SPIDR: variants seen among roughly 807,000 people sequenced by gnomAD.
The protein encoded by SPIDR is DNA repair-scaffolding protein.
A neutral mutation model predicts 104.6 loss-of-function variants in SPIDR; 93 were observed. The observed-to-expected ratio is 0.89, with a 90% CI of 0.75 to 1.06. The LOEUF (loss-of-function observed/expected upper bound fraction) is 1.06. Ranked by LOEUF, SPIDR falls within the 50% of genes least tolerant of loss-of-function variation. The probability of loss-of-function intolerance (pLI) is 0.00; values close to 1 mark genes in which losing one functional copy is unlikely to be tolerated. For synonymous variants in SPIDR, 431 were observed against 416.9 expected (o/e 1.03, Z -0.41); for missense variants, 1,154 against 1,111.2 (o/e 1.04, Z -0.55).
intron 10 of SPIDR, among the ~76,000 whole-genome samples, chr8:47,663,575 A>G (rs2074440022): frequency 6.6e-6 from 1 of 152,234 alleles, no homozygotes; most frequent in African/African-American, 2.4e-5. Context: ...ATGGCTCTGC[A>G]GCCCTTCATG....
chr8:47,284,890 A>G (rs2038516968), intron 3 of SPIDR, among the ~76,000 whole-genome samples: 1 of 152,236 alleles, frequency 6.6e-6, no homozygotes, highest in Non-Finnish European at 1.5e-5. Context: ...GTAATGAAGA[A>G]GGGGTGGATA....
chr8:47,683,714 G>A (rs2077379009), intron 11 of SPIDR, among the ~76,000 whole-genome samples: 1 of 152,166 alleles, frequency 6.6e-6, no homozygotes, highest in Admixed American at 6.5e-5. Flanking sequence ...AAAAGGTTTT[G>A]AATTTCAGAT....
At chr8:47,549,433 T>A (rs1179334643) in intron 8 of SPIDR, among the ~76,000 whole-genome samples, 1 of 152,224 alleles carries the variant, frequency 6.6e-6, no homozygotes, top group Non-Finnish European at 1.5e-5. Context: ...CAGCACCTGT[T>A]GTTTCCTGAC....
intron 10 of SPIDR, among the ~76,000 whole-genome samples, chr8:47,608,865 A>G (rs2063290948): frequency 6.6e-6 from 1 of 152,174 alleles, no homozygotes; most frequent in African/African-American, 2.4e-5. Flanking sequence ...CTGGGACTAC[A>G]CGTGCGTGTG....
At chr8:47,673,066 T>A (rs1444401005) in intron 10 of SPIDR, among the ~76,000 whole-genome samples, 3 of 152,268 alleles carry the variant, frequency 2.0e-5, no homozygotes, top group African/African-American at 4.8e-5. Context: ...TTACTGACTA[T>A]AATTTCTTCA....
At chr8:47,727,095 C>T in intron 16 of SPIDR, 105 bp from the exon 17 acceptor site, 1 of 891,054 alleles carries the variant, frequency 1.1e-6, no homozygotes, top group South Asian at 1.5e-5. Context: ...CCAAGTAAGG[C>T]AAAAATCACG....
chr8:47,658,936 C>T (rs1364048318), intron 10 of SPIDR, among the ~76,000 whole-genome samples: 2 of 147,376 alleles, frequency 1.4e-5, no homozygotes, highest in African/African-American at 5.1e-5. Flanking sequence ...AACTCCATCT[C>T]CATCTCAAAA....
chr8:47,613,345 G>T (rs1172441546), intron 10 of SPIDR, among the ~76,000 whole-genome samples: 2 of 152,236 alleles, frequency 1.3e-5, no homozygotes, highest in East Asian at 1.9e-4. Context: ...TCTTTTTATG[G>T]CTGAATAATA....
rs1225834265 is a variant in SPIDR, at chr8:47,702,052, TTCTCTCTC to T, written c.1977+75_1977+82del. 24 of 1,178,192 alleles carry T rather than the reference TTCTCTCTC, an allele frequency of 2.0e-5. No individual in the cohort carries two copies. The African/African-American group carries it at 7.9e-4, about 39-fold the overall frequency. 73.0% of individuals were successfully genotyped at this position (1,178,192 alleles called of 1,614,324 possible). On this transcript the variant is annotated intron_variant, in intron 14 of 19. Transcript: ENST00000297423. ...TCTCAATCTCTCAATCTCTCAGCCT[TTCTCTCTC>T]TCTCTCTCTCTCTCTCTCTCTCTCT...
intron 8 of SPIDR, among the ~76,000 whole-genome samples, chr8:47,513,260 A>T (rs890311866): frequency 6.6e-6 from 1 of 152,248 alleles, no homozygotes; most frequent in Admixed American, 6.5e-5. Context: ...CAGATTCTTA[A>T]CAAACAGGTT....
At chr8:47,564,072 CT>C (rs869220760) in intron 8 of SPIDR, among the ~76,000 whole-genome samples, 2,424 of 76,892 alleles carry the variant, frequency 0.032, 3 homozygotes, top group South Asian at 0.057. Flanking sequence ...TTTTTCTTTT[CT>C]TTTTTTTTTT....
intron 8 of SPIDR, among the ~76,000 whole-genome samples, chr8:47,454,473 G>T (rs12678942): frequency 0.099 from 15,089 of 151,774 alleles, 1,025 homozygotes; most frequent in South Asian, 0.26. Flanking sequence ...ACCAGGGCCT[G>T]TGGTGGGGTG....
At chr8:47,276,217 A>G (rs916039077) in intron 1 of SPIDR, among the ~76,000 whole-genome samples, 1 of 152,248 alleles carries the variant, frequency 6.6e-6, no homozygotes, top group African/African-American at 2.4e-5. Flanking sequence ...TTAGACACAC[A>G]TGAATAATTT....
chr8:47,712,669 GTC>G lies in SPIDR; in HGVS notation c.1987_1988del (p.Leu663AlafsTer44), dbSNP rs776039599. The G allele has an allele frequency of 6.2e-7, 1 of 1,613,914 alleles. No homozygotes were observed. The highest frequency in any genetic ancestry group is 2.2e-5 in the East Asian group (1 of 44,878). ...TGTGTCTTCAAATTGTAGCTGAAGA[GTC>G]TGCTGCTTCTGGAGCAAAGGGAGAT... On this transcript the variant is annotated frameshift_variant, in exon 15 of 20. Transcript: ENST00000297423. LOFTEE classifies it high-confidence loss of function.
intron 11 of SPIDR, among the ~76,000 whole-genome samples, chr8:47,696,354 TA>T (rs2079336129): frequency 6.6e-6 from 1 of 152,260 alleles, no homozygotes; most frequent in East Asian, 1.9e-4. Flanking sequence ...TCTAAGAAGT[TA>T]ACTTTGCTCC....
At chr8:47,632,524 ATTATC>A (rs926144764) in intron 10 of SPIDR, among the ~76,000 whole-genome samples, 14 of 152,180 alleles carry the variant, frequency 9.2e-5, no homozygotes, top group Admixed American at 6.5e-5. Flanking sequence ...TATTTTACAT[ATTATC>A]TTCTAGTCTG....
In SPIDR at chr8:47,279,961, C is replaced by T; in HGVS notation, c.133C>T (p.Leu45Phe). Residue 45 changes from leucine to phenylalanine, a missense_variant, in exon 2 of 20, where the codon CTC becomes TTC. Physicochemically the swap from Leu to Phe is conservative, Grantham distance 22. Transcript: ENST00000297423. ...GLRTAGAAASLSEAWLRCGEG... is the reference protein window; with the variant it reads ...GLRTAGAAASFSEAWLRCGEG... ...CAGGACAGCAGGGGCAGCTGCCTCT[C>T]TCTCTGAAGCATGGCTCAGGTGTGG... The T allele has an allele frequency of 1.2e-6, 2 of 1,614,166 alleles. No homozygotes were observed. The highest frequency in any genetic ancestry group is 1.1e-5 in the South Asian group (1 of 91,080).
intron 8 of SPIDR, among the ~76,000 whole-genome samples, chr8:47,595,182 G>A (rs2061506763): frequency 6.6e-6 from 1 of 152,112 alleles, no homozygotes. Flanking sequence ...AGGGGAAAGT[G>A]TGATACTCCG....
In SPIDR at chr8:47,319,725, A is replaced by G. The variant is rs181126018; in HGVS notation, c.525+25695A>G. ...GCACTCCTCAGCAAATGTTAAAAGA[A>G]CAGAAATTATAACAAACTGTCTCTC... On this transcript the variant is annotated intron_variant, in intron 5 of 19. Coordinates refer to ENST00000297423, the MANE Select transcript of SPIDR (RefSeq NM_001080394.4). Among the ~76,000 whole-genome samples, 669 of 152,334 alleles carry G rather than the reference A, an allele frequency of 4.4e-3. 6 individuals carry two copies. The highest frequency in any genetic ancestry group is 0.014 in the African/African-American group (601 of 41,582).
Sources: gnomAD v4.1 joint callset for allele counts (sites outside exome capture counted in the v4.1 genomes callset) on GRCh38, gnomAD v4.1.1 for gene constraint, MANE v1.5 for transcripts, NCBI Gene and HGNC (gene_info 2026-07-23, HGNC 2026-07-21) for gene names.